The following C17orf107 variants were observed in gnomAD, a reference collection of about 807,000 sequenced individuals.
C17orf107 encodes uncharacterized protein C17orf107.
C17orf107 carries 9 observed loss-of-function variants against 8.9 expected under a neutral mutation model. The observed-to-expected ratio is 1.02, with a 90% CI of 0.61 to 1.77. C17orf107 has a LOEUF of 1.77. C17orf107 is among the 40% of genes most tolerant of loss of function. The pLI is 0.00. For missense variants in C17orf107, 281 were observed against 249.0 expected, an observed-to-expected ratio of 1.13 and a Z score of -0.86; for synonymous variants, 139 against 120.3, an observed-to-expected ratio of 1.16 and a Z score of -1.02.
At chr17:4,903,860 T>TA (rs200246783), downstream of C17orf107, among the ~76,000 whole-genome samples, 15 of 152,254 alleles carry the variant, frequency 9.9e-5, no homozygotes, top group East Asian at 3.9e-4. Flanking sequence ...TGTTCCTTTT[T>TA]AAAAAAAATT....
rs1970000465 is a variant in C17orf107, at chr17:4,901,887, C to T, written c.*1354C>T. The T allele has an allele frequency of 6.3e-7, 1 of 1,593,438 alleles. No homozygotes were observed. The highest frequency in any genetic ancestry group is 1.7e-5 in the Admixed American group (1 of 59,952). On this transcript the variant is annotated 3_prime_UTR_variant, in exon 3 of 3. Coordinates refer to ENST00000381365, the MANE Select transcript of C17orf107 (RefSeq NM_001145536.2). Reference sequence around the variant, plus strand: ...CCGGTTGGCCCCGCCCCATAAGGCCCCCCCCCAACAATAATCGTCCGGGCC... The same window carrying T: ...CCGGTTGGCCCCGCCCCATAAGGCCTCCCCCCAACAATAATCGTCCGGGCC...
downstream of C17orf107, chr17:4,903,146 G>C: frequency 2.1e-6 from 3 of 1,400,530 alleles, no homozygotes; most frequent in African/African-American, 1.4e-5. Context: ...AGGGGGAGGA[G>C]GGTGTTAGTT....
In C17orf107 at chr17:4,902,905, T is replaced by TGG. The variant is rs1261654125; in HGVS notation, c.*2374_*2375dup. ...TCTCCTAAACCAATTATGCTGTGCC[T>TGG]GGGAACGAAATACTGTGTCTAAGTC... On this transcript the variant is annotated 3_prime_UTR_variant, in exon 3 of 3. Coordinates refer to ENST00000381365, the MANE Select transcript of C17orf107 (RefSeq NM_001145536.2). The surrounding 1 kb of genome is among the most constrained non-coding windows in gnomAD (Gnocchi z 4.0). 1 of 1,584,658 alleles carries TGG rather than the reference T, an allele frequency of 6.3e-7. No individual in the cohort carries two copies. Among genetic ancestry groups the TGG allele is most frequent in the African/African-American group, 1.3e-5 (1 of 74,222 alleles).
In C17orf107 at chr17:4,901,714, G is replaced by C. The variant is rs1969991536; in HGVS notation, c.*1181G>C. The C allele has an allele frequency of 7.3e-7, 1 of 1,373,248 alleles. No homozygotes were observed. Among genetic ancestry groups the C allele is most frequent in the Non-Finnish European group, 1.0e-6 (1 of 974,508 alleles). 85.1% of individuals were successfully genotyped at this position (1,373,248 alleles called of 1,614,324 possible). On this transcript the variant is annotated 3_prime_UTR_variant, in exon 3 of 3. Coordinates refer to ENST00000381365, the MANE Select transcript of C17orf107 (RefSeq NM_001145536.2). Reference sequence around the variant, plus strand: ...GCCCTGGAAGCTGGGATCTAGCGGGGCCGCGATCCCAAGCCCACCCCTTCA... The same window carrying C: ...GCCCTGGAAGCTGGGATCTAGCGGGCCCGCGATCCCAAGCCCACCCCTTCA...
chr17:4,900,447 T>G lies in C17orf107; in HGVS notation c.487T>G (p.Ser163Ala), dbSNP rs1409471633. 2 of 1,550,854 alleles carry G rather than the reference T, an allele frequency of 1.3e-6. No individual in the cohort carries two copies. The highest frequency in any genetic ancestry group is 2.0e-5 in the Admixed American group (1 of 50,986). Residue 163 changes from serine (S) to alanine (A), a missense_variant, in exon 3 of 3, where the codon TCT (serine) becomes GCT (alanine). Transcript: ENST00000381365. Reference sequence around the variant, plus strand: ...CCTGTGTGGACGGGGTCTGCAGGGGTCTGCCTCATTCCTGCGACAGTCGCA... The same window carrying G: ...CCTGTGTGGACGGGGTCTGCAGGGGGCTGCCTCATTCCTGCGACAGTCGCA... Reference protein sequence around the residue: ...LCLCGRGLQGSASFLRQSQQQ... With the variant: ...LCLCGRGLQGAASFLRQSQQQ...
In C17orf107 at chr17:4,901,062, C is replaced by T. The variant is rs1483531475; in HGVS notation, c.*529C>T. 23 of 1,613,904 alleles carry T rather than the reference C, an allele frequency of 1.4e-5. No homozygotes were observed. The highest frequency in any genetic ancestry group is 2.2e-5 in the East Asian group (1 of 44,876). On this transcript the variant is annotated 3_prime_UTR_variant, in exon 3 of 3. Coordinates refer to ENST00000381365, the MANE Select transcript of C17orf107 (RefSeq NM_001145536.2). ...ACACAGGGCACGATGATGTTAATGA[C>T]GTAGAAGAGCGGCTTCCGGCGGATG... is the stretch of plus-strand genomic sequence containing the variant.
chr17:4,903,715 ACTTGTTTCTC>A (rs1464199059), downstream of C17orf107, among the ~76,000 whole-genome samples: 1 of 151,916 alleles, frequency 6.6e-6, no homozygotes, highest in Non-Finnish European at 1.5e-5. Flanking sequence ...TGGGTGGGAG[ACTTGTTTCTC>A]CTTGTCTATC....
At position 4,901,617 on chromosome 17, in the gene C17orf107, G is replaced by C. The variant is rs375652301; in HGVS notation, c.*1084G>C. 1.6e-5 allele frequency: 26 copies of C among 1,614,022 alleles called. No homozygotes were observed. Among genetic ancestry groups the C allele is most frequent in the South Asian group, 3.3e-5 (3 of 91,088 alleles). ...GAACTCCACCTCTTCGGCATTGTAC[G>C]TCTGAGAGCTGCGGAGCCAGGGCCG... On this transcript the variant is annotated 3_prime_UTR_variant, in exon 3 of 3. Coordinates refer to ENST00000381365, the MANE Select transcript of C17orf107 (RefSeq NM_001145536.2).
chr17:4,904,753 G>A (rs976793869), downstream of C17orf107, among the ~76,000 whole-genome samples: 1 of 152,158 alleles, frequency 6.6e-6, no homozygotes, highest in Non-Finnish European at 1.5e-5. Flanking sequence ...CATCACCTTT[G>A]GGTCTCCTTC....
In C17orf107 at chr17:4,901,960, C is replaced by T. The variant is rs1188570612; in HGVS notation, c.*1427C>T. The T allele has an allele frequency of 1.9e-6, 3 of 1,609,786 alleles. No homozygotes were observed. Among genetic ancestry groups the T allele is most frequent in the African/African-American group, 1.3e-5 (1 of 74,742 alleles). ...AAAATAAGCGAACAGTTCTGCCAAT[C>T]GAAGGGGAAGTAGGTGACCTCCACT... On this transcript the variant is annotated 3_prime_UTR_variant, in exon 3 of 3. Transcript: ENST00000381365.
At position 4,901,574 on chromosome 17, in the gene C17orf107, GTTGTCTACGGCAAAAGTGAACTC is replaced by G. The variant is rs758687208; in HGVS notation, c.*1042_*1064del. The G allele has an allele frequency of 6.8e-6, 11 of 1,614,022 alleles. No individual in the cohort carries two copies. Among genetic ancestry groups the G allele is most frequent in the African/African-American group, 2.7e-5 (2 of 74,930 alleles). ...CGATCTTGTTGATGGTCTTGCCGTC[GTTGTCTACGGCAAAAGTGAACTC>G]CACCTCTTCGGCATTGTACGTCTGA... is the stretch of plus-strand genomic sequence containing the variant. On this transcript the variant is annotated 3_prime_UTR_variant, in exon 3 of 3. Transcript: ENST00000381365.
rs72835059 is a variant in C17orf107, at chr17:4,902,094, G to A, written c.*1561G>A. 134,717 of 1,613,774 alleles carry A rather than the reference G, an allele frequency of 0.083. 6,107 individuals carry two copies. Among genetic ancestry groups the A allele is most frequent in the Non-Finnish European group, 0.092 (108,089 of 1,179,904 alleles). ...TCCGAACTGGCCATCAATACTGTGG[G>A]CTCGGGGAAACCGAGCTTTTTGCAC... On this transcript the variant is annotated 3_prime_UTR_variant, in exon 3 of 3. Coordinates refer to ENST00000381365, the MANE Select transcript of C17orf107 (RefSeq NM_001145536.2). The surrounding 1 kb of genome is among the most constrained non-coding windows in gnomAD (Gnocchi z 4.0).
At chr17:4,905,836 G>A (rs1023969119), downstream of C17orf107, among the ~76,000 whole-genome samples, 3 of 152,152 alleles carry the variant, frequency 2.0e-5, no homozygotes, top group East Asian at 1.9e-4. Flanking sequence ...ACTCCAGCCC[G>A]GGTGACAGAG....
In C17orf107 at chr17:4,899,630, C is replaced by T. The variant is rs1404591514; in HGVS notation, c.-133C>T. The T allele has an allele frequency of 6.7e-7, 1 of 1,486,942 alleles. No individual in the cohort carries two copies. The highest frequency in any genetic ancestry group is 9.2e-7 in the Non-Finnish European group (1 of 1,088,180). 92.1% of individuals were successfully genotyped at this position (1,486,942 alleles called of 1,614,324 possible). On this transcript the variant is annotated 5_prime_UTR_variant, in exon 1 of 3. Coordinates refer to ENST00000381365, the MANE Select transcript of C17orf107 (RefSeq NM_001145536.2). ...CATCACCGTTCCTCCTCCCAGCTAC[C>T]GAAGGCGCCGCGCGCTGACCTCACA... is the stretch of plus-strand genomic sequence containing the variant.
At position 4,900,257 on chromosome 17, in the gene C17orf107, G is replaced by T; in HGVS notation, c.297G>T (p.Gln99His). 1 of 1,546,652 alleles carries T rather than the reference G, an allele frequency of 6.5e-7. No individual in the cohort carries two copies. ...TLLEISALWL[Q>H]QEARRLDGSA... ...TGCAGATCTCAGCCCTGTGGCTGCA[G>T]CAGGAGGCGCGGCGACTAGACGGCA... The change falls in exon 3 of 3, where the codon CAG becomes CAT. Residue 99 changes from glutamine (Q) to histidine (H), a missense_variant. Physicochemically the swap from Gln to His is conservative, Grantham distance 24. Coordinates refer to ENST00000381365, the MANE Select transcript of C17orf107 (RefSeq NM_001145536.2).
Position 4,901,533 on chromosome 17 carries a change from G to A in C17orf107, c.*1000G>A, listed in dbSNP as rs773435892. 1.9e-6 allele frequency: 3 copies of A among 1,614,064 alleles called. No homozygotes were observed. Among genetic ancestry groups the A allele is most frequent in the Non-Finnish European group, 2.5e-6 (3 of 1,179,926 alleles). On this transcript the variant is annotated 3_prime_UTR_variant, in exon 3 of 3. Coordinates refer to ENST00000381365, the MANE Select transcript of C17orf107 (RefSeq NM_001145536.2). ...GCAGGCAGGGGCTTCACCAGTATAG[G>A]CCTCTGTGTCGATGTCGATCTTGTT... is the stretch of plus-strand genomic sequence containing the variant.
chr17:4,903,200 G>A, downstream of C17orf107: 1 of 867,364 alleles, frequency 1.2e-6, no homozygotes, highest in Non-Finnish European at 1.9e-6. Context: ...GCTCACCCCT[G>A]CTGCAGCTGG....
At chr17:4,905,986 C>G (rs1393288049), downstream of C17orf107, among the ~76,000 whole-genome samples, 1 of 152,236 alleles carries the variant, frequency 6.6e-6, no homozygotes, top group African/African-American at 2.4e-5. Context: ...CTCTGCCGCT[C>G]TGTCCGCTCT....
At position 4,900,950 on chromosome 17, in the gene C17orf107, C is replaced by T; in HGVS notation, c.*417C>T. 6.2e-7 allele frequency: 1 copy of T among 1,613,956 alleles called. No homozygotes were observed. The highest frequency in any genetic ancestry group is 8.5e-7 in the Non-Finnish European group (1 of 1,179,876). Reference sequence around the variant, plus strand: ...GAGAGCGGGCCCCGCCTCCCGGGAGCGAGCCCGGGTTTGGGGGTAGGTTCG... The same window carrying T: ...GAGAGCGGGCCCCGCCTCCCGGGAGTGAGCCCGGGTTTGGGGGTAGGTTCG... On this transcript the variant is annotated 3_prime_UTR_variant, in exon 3 of 3. Coordinates refer to ENST00000381365, the MANE Select transcript of C17orf107 (RefSeq NM_001145536.2).
Sources: gnomAD v4.1 joint callset for allele counts (sites outside exome capture counted in the v4.1 genomes callset) on GRCh38, gnomAD v4.1.1 for gene constraint, Gnocchi (gnomAD v3.1) non-coding constraint, MANE v1.5 for transcripts, NCBI Gene and HGNC (gene_info 2026-07-23, HGNC 2026-07-21) for gene names.